Variants in FAM163B observed in about 807,000 individuals in gnomAD.
FAM163B encodes the protein family with sequence similarity 163 member B.
Under a neutral mutation model 7.6 loss-of-function variants are expected in FAM163B, and 4 were observed. The observed-to-expected ratio is 0.52, with a 90% CI of 0.26 to 1.20. The LOEUF (loss-of-function observed/expected upper bound fraction) is 1.20. FAM163B is among the 50% of genes most tolerant of loss of function. FAM163B has a pLI of 0.14. For synonymous variants in FAM163B, 120 were observed against 111.6 expected (o/e 1.07, Z -0.47); for missense variants, 250 against 243.0 (o/e 1.03, Z -0.19).
intron 1 of FAM163B, among the ~76,000 whole-genome samples, chr9:133,599,982 T>C (rs1051172856): frequency 1.1e-4 from 17 of 148,656 alleles, no homozygotes; most frequent in African/African-American, 3.0e-4. Flanking sequence ...TGTGTCTGTG[T>C]GCATATGCGA....
chr9:133,604,486 A>C (rs1050624830), intron 1 of FAM163B, among the ~76,000 whole-genome samples: 2 of 152,156 alleles, frequency 1.3e-5, no homozygotes, highest in Non-Finnish European at 2.9e-5. Flanking sequence ...TTTGTAAAAA[A>C]CCAGCCAACC....
At chr9:133,588,932 G>A (rs1055393266) in intron 1 of FAM163B, among the ~76,000 whole-genome samples, 2 of 152,040 alleles carry the variant, frequency 1.3e-5, no homozygotes, top group African/African-American at 4.8e-5. Flanking sequence ...CTGCTCTCCT[G>A]TTCTGACCAC....
chr9:133,599,466 G>T (rs1231868214), intron 1 of FAM163B, among the ~76,000 whole-genome samples: 1 of 152,088 alleles, frequency 6.6e-6, no homozygotes, highest in Admixed American at 6.5e-5. Context: ...GTGTCTGTGG[G>T]TATCTGTGTC....
chr9:133,594,641 G>T (rs1831604592), intron 1 of FAM163B, among the ~76,000 whole-genome samples: 5 of 152,096 alleles, frequency 3.3e-5, no homozygotes, highest in Admixed American at 3.3e-4. Context: ...CTGCATCCTG[G>T]GCCCAGCTTT....
intron 1 of FAM163B, among the ~76,000 whole-genome samples, chr9:133,582,159 C>T (rs884156): frequency 0.17 from 25,054 of 149,204 alleles, 2,460 homozygotes; most frequent in East Asian, 0.49. Context: ...GCCGAGAGGA[C>T]GGAGAACAGG....
chr9:133,590,135 C>T lies in FAM163B; in HGVS notation c.-23-9889G>A, dbSNP rs867013727. Reference sequence around the variant, plus strand: ...CCCCTCCCCTTCCCCTCCCCTTCCCCTCCCCTTCCCCTCCCCTTCCCCTCC... The same window carrying T: ...CCCCTCCCCTTCCCCTCCCCTTCCCTTCCCCTTCCCCTCCCCTTCCCCTCC... On this transcript the variant is annotated intron_variant, in intron 1 of 2. Coordinates refer to ENST00000673969, the MANE Select transcript of FAM163B (RefSeq NM_001080515.3). Among the ~76,000 whole-genome samples, 126 of 42,694 alleles carry T rather than the reference C, an allele frequency of 3.0e-3. 5 individuals carry two copies. Among genetic ancestry groups the T allele is most frequent in the African/African-American group, 0.012 (114 of 9,412 alleles). 28.0% of individuals were successfully genotyped at this position (42,694 alleles called of 152,430 possible). A position where few individuals can be genotyped will look rare whatever the true frequency, so the allele number is the denominator to read the frequency against.
chr9:133,583,743 G>A (rs1024163126), intron 1 of FAM163B, among the ~76,000 whole-genome samples: 5 of 152,206 alleles, frequency 3.3e-5, no homozygotes, highest in Admixed American at 2.0e-4. Flanking sequence ...GAAGGGTGCC[G>A]GCTCAGGCCA....
intron 1 of FAM163B, among the ~76,000 whole-genome samples, chr9:133,590,075 TCCCCTTC>T (rs1831519025): frequency 4.1e-5 from 1 of 24,500 alleles, no homozygotes; most frequent in Admixed American, 3.6e-4. Flanking sequence ...CCCCTTCCCT[TCCCCTTC>T]CCCTTCCCTT....
At chr9:133,582,859 G>A (rs1831376921) in intron 1 of FAM163B, among the ~76,000 whole-genome samples, 2 of 152,318 alleles carry the variant, frequency 1.3e-5, no homozygotes, top group South Asian at 2.1e-4. Flanking sequence ...CCACGGGTGG[G>A]GTTTTCAGCC....
chr9:133,579,578 C>A, intron 2 of FAM163B, 149 bp from the exon 3 acceptor site: 1 of 993,398 alleles, frequency 1.0e-6, no homozygotes, highest in Non-Finnish European at 1.5e-6. Context: ...GCTGTTTAAC[C>A]AGTGCTATGG....
chr9:133,605,304 A>G (rs1411750103), intron 1 of FAM163B, among the ~76,000 whole-genome samples: 1 of 152,186 alleles, frequency 6.6e-6, no homozygotes, highest in African/African-American at 2.4e-5. Context: ...CGAGGGACGC[A>G]TAGCTTGGAT....
In FAM163B at chr9:133,601,033, C is replaced by A. The variant is rs977391069; in HGVS notation, c.-24+8044G>T. 6.6e-6 allele frequency among the ~76,000 whole-genome samples: 1 copy of A among 152,162 alleles called. No homozygotes were observed. The highest frequency in any genetic ancestry group is 1.5e-5 in the Non-Finnish European group (1 of 68,020). ...CAGCCATGAGGACCCCTGGGAGGGCCCTACCCGCCTGCAAGCTCTCTGGGA... is the reference window on the plus strand; with the variant it reads ...CAGCCATGAGGACCCCTGGGAGGGCACTACCCGCCTGCAAGCTCTCTGGGA... On this transcript the variant is annotated intron_variant, in intron 1 of 2. Transcript: ENST00000673969. The surrounding 1 kb of genome is among the most constrained non-coding windows in gnomAD (Gnocchi z 4.1).
In FAM163B at chr9:133,578,887, G is replaced by A. The variant is rs1292918504; in HGVS notation, c.*135C>T. On this transcript the variant is annotated 3_prime_UTR_variant, in exon 3 of 3. Coordinates refer to ENST00000673969, the MANE Select transcript of FAM163B (RefSeq NM_001080515.3). Reference sequence around the variant, plus strand: ...GAGCCTGGGGGCTCCCCAAGCCTGGGCCTCCCCTGAGGACAGGGATTCCAG... The same window carrying A: ...GAGCCTGGGGGCTCCCCAAGCCTGGACCTCCCCTGAGGACAGGGATTCCAG... 3.0e-5 allele frequency: 43 copies of A among 1,416,516 alleles called. No individual in the cohort carries two copies. Among genetic ancestry groups the A allele is most frequent in the Non-Finnish European group, 3.9e-5 (42 of 1,085,620 alleles). 87.7% of individuals were successfully genotyped at this position (1,416,516 alleles called of 1,614,324 possible).
At chr9:133,607,780 C>G (rs528736052) in intron 1 of FAM163B, among the ~76,000 whole-genome samples, 2 of 152,176 alleles carry the variant, frequency 1.3e-5, no homozygotes, top group Non-Finnish European at 2.9e-5. Flanking sequence ...ACCGAATGAA[C>G]AAAACCCCAC....
At chr9:133,588,629 T>TTAAGCATGC (rs1831482362) in intron 1 of FAM163B, among the ~76,000 whole-genome samples, 1 of 47,872 alleles carries the variant, frequency 2.1e-5, no homozygotes, top group Admixed American at 2.1e-4. Flanking sequence ...ATCTAGCATG[T>TTAAGCATGC]TGAGGGATCT....
At chr9:133,595,398 C>G (rs1831615384) in intron 1 of FAM163B, among the ~76,000 whole-genome samples, 1 of 152,216 alleles carries the variant, frequency 6.6e-6, no homozygotes. Flanking sequence ...ATCCTCCTGC[C>G]TCGGCCTCCC....
At chr9:133,607,602 T>G (rs573640899) in intron 1 of FAM163B, among the ~76,000 whole-genome samples, 2 of 152,320 alleles carry the variant, frequency 1.3e-5, no homozygotes, top group South Asian at 4.1e-4. Context: ...CCCCAGATCC[T>G]TCGGGAGCCA....
chr9:133,579,628 C>T (rs1277799370), intron 2 of FAM163B, among the ~76,000 whole-genome samples, 199 bp from the exon 3 acceptor site: 1 of 152,246 alleles, frequency 6.6e-6, no homozygotes, highest in Non-Finnish European at 1.5e-5. Context: ...CACTTCACAA[C>T]GATCCACTCA....
At chr9:133,592,578 C>G (rs1040566195) in intron 1 of FAM163B, among the ~76,000 whole-genome samples, 1 of 152,162 alleles carries the variant, frequency 6.6e-6, no homozygotes. Context: ...TGAACATTGC[C>G]CTCTCCGGCC....
Sources: allele counts gnomAD v4.1 joint callset (sites outside exome capture counted in the v4.1 genomes callset), GRCh38; gene constraint gnomAD v4.1.1; non-coding constraint Gnocchi (gnomAD v3.1); transcripts MANE v1.5; gene names NCBI Gene and HGNC (gene_info 2026-07-23, HGNC 2026-07-21).